Variants in ADK observed in about 807,000 individuals in gnomAD.
The protein encoded by ADK is N6,N6-dimethyladenosine kinase.
ADK carries 24 observed loss-of-function variants against 44.7 expected under a neutral mutation model. The ratio of observed to expected loss-of-function variants is 0.54; its 90% CI spans 0.39 to 0.76. The LOEUF (loss-of-function observed/expected upper bound fraction) is 0.76. Ranked by LOEUF, ADK falls within the 30% of genes least tolerant of loss-of-function variation. The pLI, the probability that ADK is intolerant of heterozygous loss-of-function variation, is 0.00. For missense variants in ADK, 321 were observed against 425.1 expected (o/e 0.76, Z 2.15); for synonymous variants, 128 against 142.6 (o/e 0.90, Z 0.73).
At chr10:74,247,224 G>GTTTTTTTTTTTTTTTTTTTTTTTTATTT (rs142274121) in intron 3 of ADK, among the ~76,000 whole-genome samples, 1 of 72,004 alleles carries the variant, frequency 1.4e-5, no homozygotes, top group Non-Finnish European at 2.3e-5. Context: ...TTTTTTTTAA[G>GTTTTTTTTTTTTTTTTTTTTTTTTATTT]TTTTTTTTTT....
chr10:74,611,770 C>G (rs559601541), intron 9 of ADK, among the ~76,000 whole-genome samples: 13 of 152,026 alleles, frequency 8.6e-5, no homozygotes, highest in African/African-American at 2.9e-4. Flanking sequence ...ATAATGTCCT[C>G]TGGCTGCATC....
chr10:74,155,076 A>G (rs932468408), intron 1 of ADK, among the ~76,000 whole-genome samples: 2 of 152,248 alleles, frequency 1.3e-5, no homozygotes, highest in African/African-American at 4.8e-5. Context: ...ACAGTTCTCT[A>G]ATCAGCAAAT....
At chr10:74,692,940 G>A (rs1444701705) in intron 10 of ADK, among the ~76,000 whole-genome samples, 2 of 152,060 alleles carry the variant, frequency 1.3e-5, no homozygotes, top group African/African-American at 4.8e-5. Flanking sequence ...TTCTAGAAAA[G>A]GCAAAACTAT....
At chr10:74,404,325 GA>G in intron 6 of ADK, among the ~76,000 whole-genome samples, 1 of 151,982 alleles carries the variant, frequency 6.6e-6, no homozygotes, top group East Asian at 1.9e-4. Flanking sequence ...GACTTAATAA[GA>G]AAAAATTCAT....
intron 7 of ADK, among the ~76,000 whole-genome samples, chr10:74,526,653 A>G (rs189237714): frequency 6.6e-6 from 1 of 152,326 alleles, no homozygotes; most frequent in East Asian, 1.9e-4. Context: ...TGATCCATAG[A>G]AATAATATCA....
At chr10:74,638,530 G>A (rs1182531147) in intron 9 of ADK, among the ~76,000 whole-genome samples, 3 of 152,068 alleles carry the variant, frequency 2.0e-5, no homozygotes, top group Non-Finnish European at 2.9e-5. Flanking sequence ...GGTGGCACAC[G>A]CCTGTAGTCT....
intron 1 of ADK, among the ~76,000 whole-genome samples, chr10:74,156,150 T>C (rs1052722254): frequency 1.3e-5 from 2 of 152,118 alleles, no homozygotes; most frequent in Non-Finnish European, 2.9e-5. Context: ...GGGACAAGCA[T>C]GGAAGTGCTT....
At chr10:74,564,246 G>T (rs2133827060) in intron 7 of ADK, among the ~76,000 whole-genome samples, 1 of 152,168 alleles carries the variant, frequency 6.6e-6, no homozygotes, top group Non-Finnish European at 1.5e-5. Context: ...AAATCCCCCA[G>T]AAAGACGATT....
chr10:74,230,973 C>T (rs889188411), intron 3 of ADK, among the ~76,000 whole-genome samples: 14 of 152,034 alleles, frequency 9.2e-5, no homozygotes, highest in East Asian at 3.9e-4. Flanking sequence ...TGAGCCACCG[C>T]GCCTGGCCGC....
At chr10:74,384,673 A>C (rs992638660) in intron 4 of ADK, among the ~76,000 whole-genome samples, 3 of 152,168 alleles carry the variant, frequency 2.0e-5, no homozygotes, top group Non-Finnish European at 4.4e-5. Flanking sequence ...TCCGTCTCAA[A>C]AAAATAAAAA....
chr10:74,156,368 C>G (rs1237005984), intron 1 of ADK, among the ~76,000 whole-genome samples: 1 of 152,128 alleles, frequency 6.6e-6, no homozygotes, highest in Admixed American at 6.5e-5. Context: ...CCTGTAATCC[C>G]AGCACTTTGG....
intron 2 of ADK, among the ~76,000 whole-genome samples, chr10:74,209,467 A>T (rs1397498839): frequency 1.3e-5 from 2 of 152,250 alleles, no homozygotes; most frequent in South Asian, 4.1e-4. Context: ...AAATAAATAA[A>T]TAGCCTGGTC....
intron 10 of ADK, among the ~76,000 whole-genome samples, chr10:74,702,571 C>CCTTCCTTCCTTCCTTCCTTCCTCT (rs1554900319): frequency 6.9e-6 from 1 of 144,116 alleles, no homozygotes; most frequent in Non-Finnish European, 1.5e-5. Context: ...TTCCTTCCTT[C>CCTTCCTTCCTTCCTTCCTTCCTCT]CTCTCTCTCT....
At chr10:74,607,665 T>G (rs1359698127) in intron 9 of ADK, among the ~76,000 whole-genome samples, 1 of 152,190 alleles carries the variant, frequency 6.6e-6, no homozygotes, top group Non-Finnish European at 1.5e-5. Flanking sequence ...CCCTTAATAC[T>G]TTTTCCTTCA....
chr10:74,453,693 A>G (rs1435463924), intron 6 of ADK, among the ~76,000 whole-genome samples: 1 of 152,080 alleles, frequency 6.6e-6, no homozygotes, highest in African/African-American at 2.4e-5. Context: ...AAGGATTGAA[A>G]CAACTATTTC....
intron 3 of ADK, among the ~76,000 whole-genome samples, chr10:74,270,510 A>G (rs1252278243): frequency 6.6e-6 from 1 of 152,164 alleles, no homozygotes; most frequent in Non-Finnish European, 1.5e-5. Flanking sequence ...CCATTGTTCC[A>G]CCTCGGCCTC....
intron 4 of ADK, among the ~76,000 whole-genome samples, chr10:74,350,181 G>A (rs983468743): frequency 2.6e-5 from 4 of 152,082 alleles, no homozygotes; most frequent in Non-Finnish European, 5.9e-5. Flanking sequence ...ACACTCCTCA[G>A]CAAATGCAAA....
intron 5 of ADK, 103 bp from the exon 6 acceptor site, chr10:74,398,367 TA>T (rs1311564850): frequency 1.0e-5 from 6 of 599,954 alleles, no homozygotes; most frequent in Non-Finnish European, 1.7e-5. Context: ...AAGAATTAAT[TA>T]AAATGTAAAT....
chr10:74,698,550 T>C (rs1344262703), intron 10 of ADK, among the ~76,000 whole-genome samples: 2 of 152,200 alleles, frequency 1.3e-5, no homozygotes, highest in Non-Finnish European at 2.9e-5. Flanking sequence ...AGCAGACTTT[T>C]TTGTTTTGTT....
Sources: gnomAD v4.1 joint callset for allele counts (sites outside exome capture counted in the v4.1 genomes callset) on GRCh38, gnomAD v4.1.1 for gene constraint, MANE v1.5 for transcripts, NCBI Gene and HGNC (gene_info 2026-07-23, HGNC 2026-07-21) for gene names.